Variants in LSAMP observed in about 807,000 individuals in gnomAD.
The protein encoded by LSAMP is limbic system associated membrane protein.
A neutral mutation model predicts 38.6 loss-of-function variants in LSAMP; 7 were observed. The observed-to-expected ratio is 0.18, with a 90% CI of 0.10 to 0.34. LSAMP has a LOEUF of 0.34. Ranked by LOEUF, LSAMP falls within the 10% of genes least tolerant of loss-of-function variation. LSAMP has a pLI of 1.00. For synonymous variants in LSAMP, 154 were observed against 166.8 expected (o/e 0.92, Z 0.59); for missense variants, 313 against 420.0 (o/e 0.75, Z 2.23).
At chr3:115,838,492 C>CATGACA (rs1448945178) in intron 6 of LSAMP, among the ~76,000 whole-genome samples, 12 of 152,198 alleles carry the variant, frequency 7.9e-5, no homozygotes, top group Non-Finnish European at 1.6e-4. Flanking sequence ...CTGAGAAAGA[C>CATGACA]TAGGGAGCTG....
At chr3:116,280,152 TAGAA>T (rs1213146844) in intron 1 of LSAMP, among the ~76,000 whole-genome samples, 2 of 152,146 alleles carry the variant, frequency 1.3e-5, no homozygotes, top group African/African-American at 4.8e-5. Flanking sequence ...GACAAAAAAA[TAGAA>T]AGTACAGTAG....
At chr3:116,115,314 C>T (rs1708716650) in intron 1 of LSAMP, among the ~76,000 whole-genome samples, 1 of 152,206 alleles carries the variant, frequency 6.6e-6, no homozygotes, top group Non-Finnish European at 1.5e-5. Flanking sequence ...GTTTAATTCT[C>T]ACAACAGCCT....
chr3:116,435,560 C>T (rs536741144), intron 1 of LSAMP, among the ~76,000 whole-genome samples: 40 of 152,244 alleles, frequency 2.6e-4, no homozygotes, highest in African/African-American at 9.4e-4. Flanking sequence ...TCCTGCGTGC[C>T]ACACCAGAAA....
intron 1 of LSAMP, among the ~76,000 whole-genome samples, chr3:116,250,195 CTAATCT>C (rs1343150120): frequency 6.6e-6 from 1 of 152,144 alleles, no homozygotes; most frequent in Admixed American, 6.5e-5. Flanking sequence ...TATTTCTTCC[CTAATCT>C]TAGTTTAAAT....
At chr3:116,279,513 A>C (rs530961934) in intron 1 of LSAMP, among the ~76,000 whole-genome samples, 1 of 152,358 alleles carries the variant, frequency 6.6e-6, no homozygotes, top group Admixed American at 6.5e-5. Context: ...CTCTCATGTG[A>C]AAGATTCTCT....
intron 1 of LSAMP, among the ~76,000 whole-genome samples, chr3:116,313,547 G>A (rs1426374198): frequency 6.6e-6 from 1 of 152,196 alleles, no homozygotes. Context: ...GTCCACAGGG[G>A]TTGGGCACAG....
intron 3 of LSAMP, among the ~76,000 whole-genome samples, chr3:116,015,569 A>T (rs577892014): frequency 1.3e-5 from 2 of 152,282 alleles, no homozygotes; most frequent in African/African-American, 4.8e-5. Flanking sequence ...AGAGGGGAGA[A>T]AAATTAAGAA....
At chr3:116,110,542 A>C (rs1462211950) in intron 1 of LSAMP, among the ~76,000 whole-genome samples, 5 of 152,178 alleles carry the variant, frequency 3.3e-5, no homozygotes, top group Non-Finnish European at 7.3e-5. Flanking sequence ...AATGAAAGGA[A>C]TTGAAATTAA....
rs760524971 is a variant in LSAMP, at chr3:115,939,564, CTTTCTT to C, written c.514+79945_514+79950del. Among the ~76,000 whole-genome samples the C allele has an allele frequency of 4.3e-3, 445 of 104,150 alleles. 5 individuals are homozygous for C. Among genetic ancestry groups the C allele is most frequent in the East Asian group, 0.015 (30 of 2,014 alleles). 68.3% of individuals were successfully genotyped at this position (104,150 alleles called of 152,430 possible). A position where few individuals can be genotyped will look rare whatever the true frequency, so the allele number is the denominator to read the frequency against. The stretch of plus-strand genomic sequence containing the variant: ...TCTTTCTTTCTTTCTTTCTTTCTTT[CTTTCTT>C]TCTTTCTTTCTTTCTGTTAAGAGAC... On this transcript the variant is annotated intron_variant, in intron 3 of 6. Coordinates refer to ENST00000490035, the MANE Select transcript of LSAMP (RefSeq NM_002338.5).
At chr3:116,009,441 C>T (rs1576303977) in intron 3 of LSAMP, among the ~76,000 whole-genome samples, 2 of 152,146 alleles carry the variant, frequency 1.3e-5, no homozygotes, top group East Asian at 3.8e-4. Context: ...ATAGTGTCAT[C>T]ATTCTGTTCA....
At chr3:116,033,581 T>G (rs1161501548) in intron 2 of LSAMP, among the ~76,000 whole-genome samples, 1 of 152,120 alleles carries the variant, frequency 6.6e-6, no homozygotes, top group Non-Finnish European at 1.5e-5. Context: ...AGCTGATCAA[T>G]TCTCACAAAA....
chr3:115,866,747 T>C (rs1218911854), intron 3 of LSAMP, among the ~76,000 whole-genome samples: 1 of 152,074 alleles, frequency 6.6e-6, no homozygotes, highest in Non-Finnish European at 1.5e-5. Context: ...AAAGGGAAGC[T>C]GATGTAAAGT....
At chr3:116,349,303 G>T (rs924647508) in intron 1 of LSAMP, among the ~76,000 whole-genome samples, 1 of 151,898 alleles carries the variant, frequency 6.6e-6, no homozygotes, top group Admixed American at 6.6e-5. Flanking sequence ...AATTAAGTAT[G>T]ATGTGAAGTC....
chr3:115,959,600 C>T (rs1938562073), intron 3 of LSAMP, among the ~76,000 whole-genome samples: 1 of 152,148 alleles, frequency 6.6e-6, no homozygotes, highest in African/African-American at 2.4e-5. Context: ...TTGCATCTAA[C>T]TAGCCTTGTG....
intron 3 of LSAMP, among the ~76,000 whole-genome samples, chr3:115,899,383 C>T (rs1936812715): frequency 6.6e-6 from 1 of 152,046 alleles, no homozygotes; most frequent in African/African-American, 2.4e-5. Flanking sequence ...AGAAAGGATG[C>T]TTTAGTTTGG....
chr3:116,030,801 C>T (rs745325588), intron 2 of LSAMP, among the ~76,000 whole-genome samples: 1 of 152,014 alleles, frequency 6.6e-6, no homozygotes, highest in Non-Finnish European at 1.5e-5. Flanking sequence ...ATATATTTTT[C>T]TATGTGAAAG....
intron 1 of LSAMP, among the ~76,000 whole-genome samples, chr3:116,392,378 A>C (rs374834277): frequency 1.4e-4 from 21 of 152,230 alleles, no homozygotes; most frequent in Middle Eastern, 3.4e-3. Context: ...ACTTGCTCCA[A>C]TCTCAGAGTA....
intron 3 of LSAMP, among the ~76,000 whole-genome samples, chr3:115,924,164 A>G (rs990035808): frequency 1.3e-5 from 2 of 152,072 alleles, no homozygotes; most frequent in Admixed American, 1.3e-4. Flanking sequence ...TCTAATCTGG[A>G]CTTTTTGACT....
chr3:116,382,352 T>A (rs1308977453), intron 1 of LSAMP, among the ~76,000 whole-genome samples: 4 of 151,822 alleles, frequency 2.6e-5, no homozygotes, highest in African/African-American at 9.7e-5. Flanking sequence ...ATGTCCTTTG[T>A]AAGGACATGG....
Sources: gnomAD v4.1 joint callset for allele counts (sites outside exome capture counted in the v4.1 genomes callset) on GRCh38, gnomAD v4.1.1 for gene constraint, MANE v1.5 for transcripts, NCBI Gene and HGNC (gene_info 2026-07-23, HGNC 2026-07-21) for gene names.